The following SOX6 variants were observed in gnomAD, a reference collection of about 807,000 sequenced individuals.
The protein encoded by SOX6 is transcription factor SOX-6.
A neutral mutation model predicts 97.8 loss-of-function variants in SOX6; 11 were observed. That is an observed-to-expected ratio of 0.11 (90% CI 0.07 to 0.19). The LOEUF is 0.19. Among genes scored for constraint, SOX6 ranks in the 10% least tolerant of loss-of-function variants. SOX6 has a pLI of 1.00. For missense variants in SOX6, 810 were observed against 1,039.5 expected (o/e 0.78, Z 3.04); for synonymous variants, 360 against 371.4 (o/e 0.97, Z 0.35).
In SOX6 at chr11:16,498,746, C is replaced by T. The variant is rs149061298; in HGVS notation, n.610-22358G>A. Among the ~76,000 whole-genome samples, 1,323 of 152,278 alleles carry T rather than the reference C, an allele frequency of 8.7e-3. 22 individuals carry two copies. Among genetic ancestry groups the T allele is most frequent in the African/African-American group, 0.029 (1,208 of 41,544 alleles). ...CATAATGGTAAAAGGATCAATTCAA[C>T]AAAAAGAGCTAACTATCCTAAATAT... On this transcript the variant is annotated intron_variant and non_coding_transcript_variant, in intron 4 of 5. Transcript: ENST00000524520.
At chr11:16,341,672 C>G (rs1158618817) in intron 1 of SOX6, among the ~76,000 whole-genome samples, 1 of 152,030 alleles carries the variant, frequency 6.6e-6, no homozygotes, top group Non-Finnish European at 1.5e-5. Context: ...TTTGAAAGCA[C>G]AATTATCCAA....
chr11:16,228,910 C>T (rs527499683), intron 4 of SOX6, among the ~76,000 whole-genome samples: 9 of 152,120 alleles, frequency 5.9e-5, no homozygotes, highest in South Asian at 2.1e-4. Context: ...CATTGCTTTA[C>T]GTTAATCAGA....
chr11:16,100,708 C>G (rs1038408400), intron 7 of SOX6, among the ~76,000 whole-genome samples: 20 of 149,026 alleles, frequency 1.3e-4, no homozygotes, highest in African/African-American at 4.9e-4. Flanking sequence ...CTACCTCCTG[C>G]AATAATGCTT....
At chr11:16,075,929 C>T (rs1395385660) in intron 9 of SOX6, among the ~76,000 whole-genome samples, 1 of 152,070 alleles carries the variant, frequency 6.6e-6, no homozygotes, top group East Asian at 1.9e-4. Flanking sequence ...GAGAACAGCA[C>T]AGGAAGAACC....
At chr11:16,640,519 A>G (rs376909718) in intron 3 of SOX6, among the ~76,000 whole-genome samples, 29 of 152,254 alleles carry the variant, frequency 1.9e-4, no homozygotes, top group Non-Finnish European at 8.8e-5. Flanking sequence ...GGTAGAATTC[A>G]GCTGTGAATC....
chr11:16,219,040 C>T (rs568604017), intron 4 of SOX6, among the ~76,000 whole-genome samples: 6 of 152,222 alleles, frequency 3.9e-5, no homozygotes, highest in African/African-American at 1.4e-4. Flanking sequence ...ATTCTCTGAG[C>T]TTTAAAAACG....
chr11:16,178,167 A>T (rs1222115008), intron 6 of SOX6, among the ~76,000 whole-genome samples: 1 of 151,998 alleles, frequency 6.6e-6, no homozygotes, highest in Non-Finnish European at 1.5e-5. Flanking sequence ...TTTTAGGCGC[A>T]TTCCAACTAT....
At chr11:16,687,580 C>T (rs1042388394) in intron 3 of SOX6, among the ~76,000 whole-genome samples, 5 of 152,272 alleles carry the variant, frequency 3.3e-5, no homozygotes, top group Middle Eastern at 3.4e-3. Flanking sequence ...CCACTATGCC[C>T]GGCCTGAATC....
At chr11:16,251,186 G>T (rs934107889) in intron 3 of SOX6, among the ~76,000 whole-genome samples, 1 of 151,986 alleles carries the variant, frequency 6.6e-6, no homozygotes, top group Non-Finnish European at 1.5e-5. Flanking sequence ...AAGCAGAAAG[G>T]TTAAAAATTA....
chr11:16,337,721 GT>G (rs1193130795), intron 2 of SOX6, among the ~76,000 whole-genome samples: 1 of 152,080 alleles, frequency 6.6e-6, no homozygotes, highest in Non-Finnish European at 1.5e-5. Context: ...CAACAATTTG[GT>G]GTGTATAAAT....
At chr11:16,167,772 C>T (rs538365230) in intron 6 of SOX6, among the ~76,000 whole-genome samples, 5 of 152,248 alleles carry the variant, frequency 3.3e-5, no homozygotes, top group African/African-American at 1.2e-4. Flanking sequence ...CCCTTAAGTA[C>T]GTACCCACAC....
rs1004050170 is a variant in SOX6, at chr11:16,681,735, A to C, written n.429+33095T>G. 2.6e-5 allele frequency among the ~76,000 whole-genome samples: 4 copies of C among 152,218 alleles called. No homozygotes were observed. In the East Asian group the frequency reaches 7.7e-4, roughly 29 times the overall value. ...ACTAGCCAGACTAATAAAGAAGAAA[A>C]GAGAGAAGAATCAAATAGAGACAAT... is the stretch of plus-strand genomic sequence containing the variant. On this transcript the variant is annotated intron_variant and non_coding_transcript_variant, in intron 3 of 5. Coordinates refer to the SOX6 transcript ENST00000524520.
chr11:16,633,371 T>C (rs891711935), intron 3 of SOX6, among the ~76,000 whole-genome samples: 3 of 152,210 alleles, frequency 2.0e-5, no homozygotes, highest in African/African-American at 4.8e-5. Flanking sequence ...ATATATTCTC[T>C]GAAACAGTTT....
intron 3 of SOX6, among the ~76,000 whole-genome samples, chr11:16,235,065 T>C (rs1852975441): frequency 6.6e-6 from 1 of 152,006 alleles, no homozygotes; most frequent in African/African-American, 2.4e-5. Context: ...AAAATGTATG[T>C]GCTGTGCAAG....
chr11:16,650,393 T>C (rs1179703344), intron 3 of SOX6, among the ~76,000 whole-genome samples: 2 of 152,080 alleles, frequency 1.3e-5, no homozygotes, highest in African/African-American at 4.8e-5. Flanking sequence ...AAAGTCTCAG[T>C]AAATTTAAGA....
At chr11:16,188,509 G>T (rs546164936) in intron 4 of SOX6, among the ~76,000 whole-genome samples, 3 of 151,998 alleles carry the variant, frequency 2.0e-5, no homozygotes, top group Non-Finnish European at 4.4e-5. Flanking sequence ...ACAAAAGCAG[G>T]TTCCCAAAAA....
intron 6 of SOX6, among the ~76,000 whole-genome samples, chr11:16,130,578 T>G (rs984576241): frequency 1.3e-5 from 2 of 151,992 alleles, no homozygotes; most frequent in African/African-American, 4.8e-5. Flanking sequence ...CTCCTCAAAC[T>G]GATTTATAGA....
intron 9 of SOX6, among the ~76,000 whole-genome samples, chr11:16,067,218 G>A (rs1035328426): frequency 3.9e-5 from 6 of 152,170 alleles, no homozygotes; most frequent in African/African-American, 1.4e-4. Context: ...GTTTTGAAAT[G>A]TGAAGACATG....
In SOX6 at chr11:16,153,907, C is replaced by T. The variant is rs530439334; in HGVS notation, c.777+29979G>A. ...AACTTCTTTTCTCTGGAGAGTACCA[C>T]ACAATCTTATTAATTAATCCTAAAC... On this transcript the variant is annotated intron_variant, in intron 6 of 15. Coordinates refer to ENST00000683767, the MANE Select transcript of SOX6 (RefSeq NM_001367873.1). 1.4e-3 allele frequency among the ~76,000 whole-genome samples: 213 copies of T among 152,196 alleles called. 1 individual carries two copies. Among genetic ancestry groups the T allele is most frequent in the African/African-American group, 4.8e-3 (199 of 41,544 alleles).
Sources: gnomAD v4.1 joint callset for allele counts (sites outside exome capture counted in the v4.1 genomes callset) on GRCh38, gnomAD v4.1.1 for gene constraint, MANE v1.5 for transcripts, NCBI Gene and HGNC (gene_info 2026-07-23, HGNC 2026-07-21) for gene names.